Variants in MORN1 observed in about 807,000 individuals in gnomAD.
MORN1 encodes MORN repeat-containing protein 1.
Under a neutral mutation model 61.9 loss-of-function variants are expected in MORN1, and 67 were observed. That is an observed-to-expected ratio of 1.08 (90% CI 0.89 to 1.33). The LOEUF (loss-of-function observed/expected upper bound fraction) is 1.33, where lower values mean the gene tolerates loss of function less well. Ranked by LOEUF, MORN1 falls within the 40% of genes most tolerant of loss-of-function variation. The pLI is 0.00. For synonymous variants in MORN1, 301 were observed against 292.0 expected (o/e 1.03, Z -0.31); for missense variants, 752 against 691.2 (o/e 1.09, Z -0.99).
At chr1:2,391,239 C>T (rs1353550485) in intron 1 of MORN1, among the ~76,000 whole-genome samples, 1 of 152,152 alleles carries the variant, frequency 6.6e-6, no homozygotes, top group African/African-American at 2.4e-5. Context: ...AGGGCTTGGC[C>T]TGCTGCGGGA....
Position 2,387,401 on chromosome 1 carries a change from C to T in MORN1, c.358+18G>A. The T allele has an allele frequency of 1.3e-6, 2 of 1,591,824 alleles. No homozygotes were observed. The highest frequency in any genetic ancestry group is 1.7e-6 in the Non-Finnish European group (2 of 1,161,564). ...AAGCGCCCACCCTCACAGCACCCGG[C>T]TCCTGTGGGCGCCAGACCTTCCCGC... On this transcript the variant is annotated intron_variant, in intron 4 of 13. Coordinates refer to ENST00000378531, the MANE Select transcript of MORN1 (RefSeq NM_024848.3).
Position 2,336,747 on chromosome 1 carries a change from G to A in MORN1, c.1140C>T (p.His380=), listed in dbSNP as rs375266374. Residue 380 remains histidine (H), a synonymous_variant, in exon 11 of 14, where the codon CAC becomes CAT. Coordinates refer to ENST00000378531, the MANE Select transcript of MORN1 (RefSeq NM_024848.3). ...VLLGPPPPGY[H]PFLFLDSLHK... Reference sequence around the variant, plus strand: ...GGAGGCTGTCCAGGAACAGGAAGGGGTGGTACCCAGGCGGGGGCGGCCCCA... The same window carrying A: ...GGAGGCTGTCCAGGAACAGGAAGGGATGGTACCCAGGCGGGGGCGGCCCCA... 3.8e-6 allele frequency: 6 copies of A among 1,595,018 alleles called. No individual in the cohort carries two copies. Among genetic ancestry groups the A allele is most frequent in the African/African-American group, 2.7e-5 (2 of 74,552 alleles).
At chr1:2,342,886 ATTTTAT>A (rs1641432494) in intron 10 of MORN1, among the ~76,000 whole-genome samples, 5 of 117,386 alleles carry the variant, frequency 4.3e-5, no homozygotes, top group African/African-American at 1.3e-4. Flanking sequence ...ATTTTATTTT[ATTTTAT>A]TTTATTTTAT....
chr1:2,348,946 ACC>A (rs1310097181), intron 10 of MORN1, among the ~76,000 whole-genome samples: 1 of 146,278 alleles, frequency 6.8e-6, no homozygotes, highest in Admixed American at 7.4e-5. Context: ...CCCAGTCCAC[ACC>A]CCTGAGTGCC....
At chr1:2,383,015 C>T (rs1313990761) in intron 6 of MORN1, among the ~76,000 whole-genome samples, 1 of 152,150 alleles carries the variant, frequency 6.6e-6, no homozygotes, top group Non-Finnish European at 1.5e-5. Context: ...CCTCTGAGGC[C>T]CTGCTGCGGG....
intron 6 of MORN1, chr1:2,374,762 A>T (rs1642197951): frequency 1.8e-6 from 1 of 548,474 alleles, no homozygotes; most frequent in South Asian, 2.5e-5. Context: ...TGCTTTGCAA[A>T]ATATACTCCC....
At position 2,378,478 on chromosome 1, in the gene MORN1, G is replaced by A. The variant is rs181894020; in HGVS notation, c.538-3921C>T. On this transcript the variant is annotated intron_variant, in intron 6 of 13. Coordinates refer to ENST00000378531, the MANE Select transcript of MORN1 (RefSeq NM_024848.3). The stretch of plus-strand genomic sequence containing the variant: ...CCCCCGGTTGGGCATTCCCACACAC[G>A]CCCAGCTGAGGAGAGGAGGCTCGGG... 43 of 170,834 alleles carry A rather than the reference G, an allele frequency of 2.5e-4. No homozygotes were observed. In the Middle Eastern group the frequency reaches 0.012, roughly 46 times the overall value. 10.6% of individuals were successfully genotyped at this position (170,834 alleles called of 1,614,324 possible).
intron 8 of MORN1, among the ~76,000 whole-genome samples, chr1:2,369,056 C>CAA (rs1274182365): frequency 5.0e-5 from 6 of 120,194 alleles, no homozygotes; most frequent in Non-Finnish European, 3.5e-5. Context: ...GACCCAGTCT[C>CAA]AAAAAAAAAA....
In MORN1 at chr1:2,321,509, G is replaced by C. The variant is rs1489535825; in HGVS notation, c.1368C>G (p.Phe456Leu). Residue 456 changes from phenylalanine (F) to leucine (L), a missense_variant, in exon 14 of 14, where the codon TTC (phenylalanine) becomes TTG (leucine). Phe to Leu is a conservative substitution (Grantham distance 22). Transcript: ENST00000378531. ...TCTTCGCTACGACCCGCAGGTGTTT[G>C]AAGGCCGGGGGCAGCCTGCGCCCCA... Reference protein sequence around the residue: ...PFLGRRLPPAFKHLRVVAKRA... With the variant: ...PFLGRRLPPALKHLRVVAKRA... 6.5e-7 allele frequency: 1 copy of C among 1,532,716 alleles called. No homozygotes were observed. Among genetic ancestry groups the C allele is most frequent in the East Asian group, 2.4e-5 (1 of 41,324 alleles). 94.9% of individuals were successfully genotyped at this position (1,532,716 alleles called of 1,614,324 possible).
intron 10 of MORN1, chr1:2,355,556 G>A: frequency 7.2e-7 from 1 of 1,397,142 alleles, no homozygotes; most frequent in Non-Finnish European, 9.9e-7. Flanking sequence ...GGGCATGGAG[G>A]TGGCCCTGGT....
At chr1:2,333,368 G>C (rs1161723877) in intron 12 of MORN1, among the ~76,000 whole-genome samples, 2 of 152,236 alleles carry the variant, frequency 1.3e-5, no homozygotes, top group Non-Finnish European at 2.9e-5. Flanking sequence ...ATTATGGAAA[G>C]GGGGTCCCCA....
intron 12 of MORN1, among the ~76,000 whole-genome samples, chr1:2,325,619 A>G (rs1641010904): frequency 7.0e-6 from 1 of 143,576 alleles, no homozygotes; most frequent in Admixed American, 7.1e-5. Context: ...AAGTGCTGGG[A>G]TCACTGCACC....
chr1:2,328,269 G>A (rs1641078375), intron 12 of MORN1, among the ~76,000 whole-genome samples: 1 of 152,254 alleles, frequency 6.6e-6, no homozygotes, highest in African/African-American at 2.4e-5. Context: ...AGGGCGGTTT[G>A]CAGCGGGGCT....
At chr1:2,369,740 T>C (rs1328307867) in intron 8 of MORN1, among the ~76,000 whole-genome samples, 1 of 152,140 alleles carries the variant, frequency 6.6e-6, no homozygotes, top group Non-Finnish European at 1.5e-5. Context: ...TATAATTCAA[T>C]ATCTAATAAA....
intron 12 of MORN1, among the ~76,000 whole-genome samples, chr1:2,327,805 A>G (rs1641069133): frequency 6.6e-6 from 1 of 152,254 alleles, no homozygotes; most frequent in African/African-American, 2.4e-5. Flanking sequence ...GGCGGTGACC[A>G]GAATGGCCCA....
chr1:2,321,576 T>G lies in MORN1; in HGVS notation c.1301A>C (p.Glu434Ala). 1 of 1,492,680 alleles carries G rather than the reference T, an allele frequency of 6.7e-7. No homozygotes were observed. Among genetic ancestry groups the G allele is most frequent in the Non-Finnish European group, 8.9e-7 (1 of 1,117,662 alleles). 92.5% of individuals were successfully genotyped at this position (1,492,680 alleles called of 1,614,324 possible). The change falls in exon 14 of 14, where the codon GAG becomes GCG. Residue 434 changes from glutamate to alanine, a missense_variant. Coordinates refer to ENST00000378531, the MANE Select transcript of MORN1 (RefSeq NM_024848.3). ...CACGTCGCGGATCATGAGCACGTAC[T>G]CCCCTGCAAGGGGCGGGTGGGCTGG... Reference protein sequence around the residue: ...EEQAAAAHLGEYVLMIRDVTT... With the variant: ...EEQAAAAHLGAYVLMIRDVTT...
In MORN1 at chr1:2,358,609, T is replaced by G. The variant is rs777099437; in HGVS notation, c.852A>C (p.Thr284=). The change falls in exon 9 of 14, where the codon ACA becomes ACC. Residue 284 remains threonine, a synonymous_variant. Transcript: ENST00000378531. ...GTACTCACAATGGGGTCTGGATGAG[T>G]GTCTCTTGGTTGTCTCTGTCCACTT... ...FFKVDRDNQE[T]LIQTPFGFEC... is the part of the protein sequence containing the mutation. 4 of 1,613,854 alleles carry G rather than the reference T, an allele frequency of 2.5e-6. No individual in the cohort carries two copies. Among genetic ancestry groups the G allele is most frequent in the Admixed American group, 1.7e-5 (1 of 60,002 alleles).
At chr1:2,367,921 G>T (rs1466445608) in intron 8 of MORN1, among the ~76,000 whole-genome samples, 3 of 152,116 alleles carry the variant, frequency 2.0e-5, no homozygotes, top group Non-Finnish European at 4.4e-5. Context: ...GAGCCACCGT[G>T]CCTGGCCTAA....
intron 10 of MORN1, chr1:2,355,451 G>C (rs1454946748): frequency 4.5e-6 from 7 of 1,550,530 alleles, no homozygotes; most frequent in Non-Finnish European, 6.1e-6. Context: ...TCTGATCCTA[G>C]AAGAGTGAGC....
Sources: gnomAD v4.1 joint callset for allele counts (sites outside exome capture counted in the v4.1 genomes callset) on GRCh38, gnomAD v4.1.1 for gene constraint, MANE v1.5 for transcripts, NCBI Gene and HGNC (gene_info 2026-07-23, HGNC 2026-07-21) for gene names.